Variants in HORMAD2 observed in about 807,000 individuals in gnomAD.
The protein encoded by HORMAD2 is HORMA domain-containing protein 2.
A neutral mutation model predicts 38.8 loss-of-function variants in HORMAD2; 45 were observed. That is an observed-to-expected ratio of 1.16 (90% confidence interval 0.91 to 1.49). HORMAD2 has a LOEUF of 1.49. Ranked by LOEUF, HORMAD2 falls within the 40% of genes most tolerant of loss-of-function variation. The pLI is 0.00. For synonymous variants in HORMAD2, 126 were observed against 122.8 expected (o/e 1.03, Z -0.17); for missense variants, 338 against 367.0 (o/e 0.92, Z 0.65).
intron 10 of HORMAD2, among the ~76,000 whole-genome samples, chr22:30,124,802 C>G (rs1358105210): frequency 2.6e-5 from 4 of 152,120 alleles, no homozygotes; most frequent in Non-Finnish European, 5.9e-5. Context: ...ATATATGAAA[C>G]AGTTCTAGGC....
At chr22:30,170,668 C>G (rs370975389) in intron 10 of HORMAD2, among the ~76,000 whole-genome samples, 123 of 152,210 alleles carry the variant, frequency 8.1e-4, no homozygotes, top group African/African-American at 2.7e-3. Context: ...ATAACCTCCC[C>G]CTGCTCCCAC....
the HORMAD2 span, among the ~76,000 whole-genome samples, chr22:30,203,225 T>A: frequency 8.6e-6 from 1 of 115,778 alleles, no homozygotes; most frequent in Non-Finnish European, 1.9e-5. Flanking sequence ...CGAAACCCTG[T>A]ATCTACAAAA....
intron 10 of HORMAD2, among the ~76,000 whole-genome samples, chr22:30,155,080 A>T (rs1386359694): frequency 6.6e-6 from 1 of 151,268 alleles, no homozygotes. Flanking sequence ...TTTTTTTAAA[A>T]AAAAAAAAAA....
intron 2 of HORMAD2, among the ~76,000 whole-genome samples, chr22:30,097,930 T>G (rs145249951): frequency 9.6e-4 from 146 of 152,234 alleles, no homozygotes; most frequent in African/African-American, 3.2e-3. Flanking sequence ...AAGGAGAAAA[T>G]AGATTTGAGA....
chr22:30,122,856 A>G (rs1355603410), intron 10 of HORMAD2, among the ~76,000 whole-genome samples: 1 of 152,110 alleles, frequency 6.6e-6, no homozygotes, highest in African/African-American at 2.4e-5. Flanking sequence ...CACACCCTTA[A>G]CTGGTGGTTG....
chr22:30,086,500 A>T (rs1258909070), intron 1 of HORMAD2, among the ~76,000 whole-genome samples: 1 of 152,138 alleles, frequency 6.6e-6, no homozygotes, highest in East Asian at 1.9e-4. Context: ...GGGAAAATAG[A>T]GCTGAGGCTA....
intron 1 of HORMAD2, among the ~76,000 whole-genome samples, chr22:30,090,710 C>T (rs1206459364): frequency 1.3e-5 from 2 of 152,132 alleles, no homozygotes; most frequent in African/African-American, 4.8e-5. Flanking sequence ...TACTATTTTC[C>T]ATTTTTGAAT....
intron 10 of HORMAD2, among the ~76,000 whole-genome samples, chr22:30,129,451 A>C (rs1050333464): frequency 6.6e-6 from 1 of 152,244 alleles, no homozygotes; most frequent in East Asian, 1.9e-4. Context: ...AGAGCTTTAC[A>C]TATATTATCA....
chr22:30,107,894 A>G (rs1921321079), intron 5 of HORMAD2, among the ~76,000 whole-genome samples: 1 of 146,908 alleles, frequency 6.8e-6, no homozygotes, highest in African/African-American at 2.5e-5. Flanking sequence ...TTTGAGACGG[A>G]GTCTCGCTCT....
At chr22:30,096,325 G>C (rs956441941) in intron 2 of HORMAD2, among the ~76,000 whole-genome samples, 1 of 152,136 alleles carries the variant, frequency 6.6e-6, no homozygotes, top group Admixed American at 6.5e-5. Context: ...CATAGGATAT[G>C]TGTATATTTA....
At chr22:30,174,678 G>T (rs1926324066) in intron 10 of HORMAD2, among the ~76,000 whole-genome samples, 1 of 152,172 alleles carries the variant, frequency 6.6e-6, no homozygotes, top group Admixed American at 6.5e-5. Flanking sequence ...TCTTTCATGT[G>T]TACCCAGATT....
intron 10 of HORMAD2, among the ~76,000 whole-genome samples, chr22:30,152,623 A>G: frequency 6.6e-6 from 1 of 152,148 alleles, no homozygotes; most frequent in East Asian, 1.9e-4. Flanking sequence ...GAACCATCAC[A>G]CCCAACCTTG....
At chr22:30,197,136 CTGGG>C in the HORMAD2 span, among the ~76,000 whole-genome samples, 1 of 152,020 alleles carries the variant, frequency 6.6e-6, no homozygotes, top group South Asian at 2.1e-4. Context: ...AGAGGGAGTG[CTGGG>C]TGATGGGTTA....
intron 10 of HORMAD2, among the ~76,000 whole-genome samples, chr22:30,129,235 AAAAAAAAAAAAAAAAAAAAAAG>A (rs530496760): frequency 0.2 from 20,856 of 105,190 alleles, 2,798 homozygotes; most frequent in Middle Eastern, 0.39. Context: ...AAAAAAAAAA[AAAAAAAAAAAAAAAAAAAAAAG>A]AGAGAGAGAG....
At position 30,138,878 on chromosome 22, in the gene HORMAD2, A is replaced by G. The variant is rs371515379; in HGVS notation, c.819+16664A>G. 9.9e-5 allele frequency among the ~76,000 whole-genome samples: 15 copies of G among 152,272 alleles called. No homozygotes were observed. In the South Asian group the frequency reaches 1.7e-3, roughly 17 times the overall value. On this transcript the variant is annotated intron_variant, in intron 10 of 10. Coordinates refer to ENST00000336726, the MANE Select transcript of HORMAD2 (RefSeq NM_152510.4). ...GTAGGATAGTTAATTTTATGTGTCA[A>G]CTTGGAGGGTGCTACTGGATGAAAT...
At chr22:30,140,830 T>C (rs571251271) in intron 10 of HORMAD2, among the ~76,000 whole-genome samples, 10 of 152,320 alleles carry the variant, frequency 6.6e-5, no homozygotes, top group African/African-American at 2.4e-4. Flanking sequence ...TAGGTTTAGT[T>C]TGCACTTTTT....
At chr22:30,135,214 T>G (rs537727628) in intron 10 of HORMAD2, among the ~76,000 whole-genome samples, 2 of 152,046 alleles carry the variant, frequency 1.3e-5, no homozygotes, top group Non-Finnish European at 2.9e-5. Flanking sequence ...GAAAGAGTAA[T>G]GTAAGAGTTA....
At chr22:30,125,211 C>CTTTTTTTTTTTTTTTTTTTTTTTT (rs1569099734) in intron 10 of HORMAD2, among the ~76,000 whole-genome samples, 1 of 46,590 alleles carries the variant, frequency 2.1e-5, no homozygotes, top group African/African-American at 9.7e-5. Context: ...CTTTCTTTTT[C>CTTTTTTTTTTTTTTTTTTTTTTTT]TTTTCTTTTT....
chr22:30,110,519 G>C (rs1921554702), intron 5 of HORMAD2, among the ~76,000 whole-genome samples: 1 of 151,532 alleles, frequency 6.6e-6, no homozygotes, highest in Non-Finnish European at 1.5e-5. Context: ...CCAAGTAGCT[G>C]GGATTACAGG....
Sources: allele counts gnomAD v4.1 joint callset (sites outside exome capture counted in the v4.1 genomes callset), GRCh38; gene constraint gnomAD v4.1.1; transcripts MANE v1.5; gene names NCBI Gene and HGNC (gene_info 2026-07-23, HGNC 2026-07-21).